Variants in IL1RN observed in about 807,000 individuals in gnomAD.
The protein encoded by IL1RN is interleukin 1 receptor antagonist.
IL1RN carries 10 observed loss-of-function variants against 13.7 expected under a neutral mutation model. That is an observed-to-expected ratio of 0.73 (90% CI 0.45 to 1.24). The LOEUF (loss-of-function observed/expected upper bound fraction) is 1.24. Ranked by LOEUF, IL1RN falls within the 50% of genes most tolerant of loss-of-function variation. IL1RN has a pLI of 0.00. For synonymous variants in IL1RN, 102 were observed against 82.7 expected, an observed-to-expected ratio of 1.23 and a Z score of -1.27; for missense variants, 213 against 222.1, an observed-to-expected ratio of 0.96 and a Z score of 0.26.
At chr2:113,130,925 C>T in intron 2 of IL1RN, 120 bp from the exon 3 acceptor site, 1 of 726,952 alleles carries the variant, frequency 1.4e-6, no homozygotes, top group Non-Finnish European at 2.5e-6. Context: ...CCTCTCTGCC[C>T]TTCTGACCTC....
At chr2:113,122,794 C>A (rs1247637329), upstream of IL1RN, among the ~76,000 whole-genome samples, 1 of 152,192 alleles carries the variant, frequency 6.6e-6, no homozygotes, top group Non-Finnish European at 1.5e-5. Flanking sequence ...CTAAATGCTA[C>A]TCAAACTCCA....
intron 1 of IL1RN, among the ~76,000 whole-genome samples, chr2:113,112,622 T>G (rs1686520493): frequency 6.6e-6 from 1 of 152,202 alleles, no homozygotes; most frequent in Admixed American, 6.5e-5. Context: ...ACGCTTTCTC[T>G]TACTTTGGGG....
intron 3 of IL1RN, among the ~76,000 whole-genome samples, chr2:113,132,445 C>T (rs1687206990): frequency 1.3e-5 from 2 of 152,192 alleles, no homozygotes; most frequent in African/African-American, 4.8e-5. Flanking sequence ...AAGACTCCGT[C>T]TCGGGAAAAT....
chr2:113,101,978 G>A, the IL1RN span, among the ~76,000 whole-genome samples: 1 of 152,080 alleles, frequency 6.6e-6, no homozygotes, highest in Non-Finnish European at 1.5e-5. Flanking sequence ...TGTTGGTCAG[G>A]CTGGTCTCGA....
upstream of IL1RN, among the ~76,000 whole-genome samples, chr2:113,102,990 A>G (rs1411713243): frequency 6.6e-6 from 1 of 152,220 alleles, no homozygotes; most frequent in African/African-American, 2.4e-5. Context: ...TAGAGGTGCA[A>G]AGTACTCATG....
chr2:113,113,621 C>T (rs1686539273), upstream of IL1RN, among the ~76,000 whole-genome samples: 1 of 151,164 alleles, frequency 6.6e-6, no homozygotes, highest in African/African-American at 2.4e-5. Context: ...GGCAGGAGGA[C>T]ACTTCAAAAG....
upstream of IL1RN, among the ~76,000 whole-genome samples, chr2:113,127,311 A>C (rs903133002): frequency 7.2e-4 from 109 of 152,302 alleles, no homozygotes; most frequent in African/African-American, 2.6e-3. Context: ...ACCTGTCAGG[A>C]ACAGTAGGGA....
At chr2:113,117,932 G>C in exon 1 of IL1RN, 1 of 838,920 alleles carries the variant, frequency 1.2e-6, no homozygotes, top group Non-Finnish European at 2.1e-6. Context: ...CCCAGGTACT[G>C]CCCGGGTGCT....
At chr2:113,129,433 C>A in intron 1 of IL1RN, 143 bp from the exon 2 acceptor site, 1 of 709,046 alleles carries the variant, frequency 1.4e-6, no homozygotes. Context: ...CTCATCCATG[C>A]ATGCCGTGGG....
upstream of IL1RN, among the ~76,000 whole-genome samples, chr2:113,103,879 G>A (rs1686349728): frequency 6.6e-6 from 1 of 152,078 alleles, no homozygotes; most frequent in Admixed American, 6.5e-5. Flanking sequence ...AGAAAGGAAG[G>A]AGCAACAATA....
chr2:113,111,994 C>A (rs1275853613), intron 1 of IL1RN, among the ~76,000 whole-genome samples: 1 of 152,238 alleles, frequency 6.6e-6, no homozygotes, highest in Non-Finnish European at 1.5e-5. Flanking sequence ...CAACCCCAGA[C>A]TTTGGGTTGT....
chr2:113,103,866 G>T (rs937880150), upstream of IL1RN, among the ~76,000 whole-genome samples: 1 of 152,110 alleles, frequency 6.6e-6, no homozygotes, highest in Non-Finnish European at 1.5e-5. Context: ...AGACTTCAAA[G>T]AAAGAAAGGA....
intron 1 of IL1RN, among the ~76,000 whole-genome samples, chr2:113,119,562 G>A (rs1037108469): frequency 6.6e-6 from 1 of 152,134 alleles, no homozygotes; most frequent in African/African-American, 2.4e-5. Context: ...GTCCCTGGTG[G>A]GTTGTGCTAC....
chr2:113,124,353 G>A (rs62158855), upstream of IL1RN, among the ~76,000 whole-genome samples: 1 of 152,166 alleles, frequency 6.6e-6, no homozygotes, highest in Non-Finnish European at 1.5e-5. Flanking sequence ...GAAACCAAGA[G>A]TGGACTTGTG....
At chr2:113,128,354 A>T (rs1284783387) in intron 1 of IL1RN, among the ~76,000 whole-genome samples, 3 of 152,208 alleles carry the variant, frequency 2.0e-5, no homozygotes, top group African/African-American at 7.2e-5. Flanking sequence ...TGCTGATAGA[A>T]ATGACAGGAC....
At chr2:113,119,202 G>A (rs2637988) in intron 1 of IL1RN, among the ~76,000 whole-genome samples, 81,112 of 152,050 alleles carry the variant, frequency 0.53, 22,037 homozygotes, top group Non-Finnish European at 0.6. Flanking sequence ...CAGTGGAAGT[G>A]TCAGCTCTTA....
chr2:113,127,869 T>A, intron 1 of IL1RN, 129 bp downstream of exon 1: 1 of 860,580 alleles, frequency 1.2e-6, no homozygotes, highest in Non-Finnish European at 1.9e-6. Flanking sequence ...GGATGTCCAT[T>A]ATTCAAGAAA....
chr2:113,129,962 C>T (rs1311878059), intron 2 of IL1RN: 1 of 412,204 alleles, frequency 2.4e-6, no homozygotes, highest in Non-Finnish European at 4.6e-6. Flanking sequence ...CATTCCCTTC[C>T]TCAAGTGCCT....
chr2:113,114,538 T>C (rs1686556221), upstream of IL1RN, among the ~76,000 whole-genome samples: 1 of 152,138 alleles, frequency 6.6e-6, no homozygotes, highest in Admixed American at 6.5e-5. Context: ...AAGAAGAGTC[T>C]ATATATCTTG....
Sources: gnomAD v4.1 joint callset for allele counts (sites outside exome capture counted in the v4.1 genomes callset) on GRCh38, gnomAD v4.1.1 for gene constraint, MANE v1.5 for transcripts, NCBI Gene and HGNC (gene_info 2026-07-23, HGNC 2026-07-21) for gene names.